PLA2G5: variants seen among roughly 807,000 people sequenced by gnomAD.
PLA2G5 encodes the protein phospholipase A2 group V, also known as Ca2+-dependent phospholipase A2.
PLA2G5 carries 12 observed loss-of-function variants against 15.9 expected under a neutral mutation model. The ratio of observed to expected loss-of-function variants is 0.76; its 90% CI spans 0.48 to 1.23. The LOEUF is 1.23. Among genes scored for constraint, PLA2G5 ranks in the 50% most tolerant of loss-of-function variants. The pLI, the probability that PLA2G5 is intolerant of heterozygous loss-of-function variation, is 0.00. For missense variants in PLA2G5, 169 were observed against 177.1 expected (o/e 0.95, Z 0.26); for synonymous variants, 71 against 71.4 (o/e 0.99, Z 0.03).
intron 1 of PLA2G5, among the ~76,000 whole-genome samples, chr1:20,057,404 G>A (rs946547725): frequency 1.3e-5 from 2 of 150,556 alleles, no homozygotes; most frequent in African/African-American, 4.9e-5. Context: ...TTTTTTGGGG[G>A]GTAATTTCTG....
At chr1:20,082,658 C>T (rs2016093607) in intron 1 of PLA2G5, among the ~76,000 whole-genome samples, 1 of 151,900 alleles carries the variant, frequency 6.6e-6, no homozygotes, top group Admixed American at 6.6e-5. Context: ...TCCTGTCTGA[C>T]CAGCTACCTA....
rs1347612826 is a variant in PLA2G5 at position 20,075,495 on chromosome 1, T to A, written c.-11+5030T>A. Reference sequence around the variant, plus strand: ...TAGACATGAGACAGGTACAATTATTTACCCAATTATTCATGATGGTGAACT... The same window carrying A: ...TAGACATGAGACAGGTACAATTATTAACCCAATTATTCATGATGGTGAACT... On this transcript the variant is annotated intron_variant, in intron 1 of 4. Transcript: ENST00000375108. Among the ~76,000 whole-genome samples, 4 of 152,346 alleles carry A rather than the reference T, an allele frequency of 2.6e-5. No homozygotes were observed. In the East Asian group the frequency reaches 7.7e-4, roughly 29 times the overall value.
At chr1:20,044,045 T>G (rs1466546017) in intron 1 of PLA2G5, among the ~76,000 whole-genome samples, 1 of 152,178 alleles carries the variant, frequency 6.6e-6, no homozygotes, top group Non-Finnish European at 1.5e-5. Flanking sequence ...CTGGGTGAGC[T>G]GGGCAGTCTG....
At position 20,058,296 on chromosome 1, in the gene PLA2G5, T is replaced by C. The variant is rs531267856; in HGVS notation, n.277-1336T>C. On this transcript the variant is annotated intron_variant and non_coding_transcript_variant, in intron 1 of 6. Transcript: ENST00000460175. ...CCTCTCAGTTTTTGCCTCACGTATTTTGACACTCCGTTGTGAGGGGCATAC... is the reference window on the plus strand; with the variant it reads ...CCTCTCAGTTTTTGCCTCACGTATTCTGACACTCCGTTGTGAGGGGCATAC... Among the ~76,000 whole-genome samples, 41 of 152,310 alleles carry C rather than the reference T, an allele frequency of 2.7e-4. 1 individual carries two copies. The highest frequency in any genetic ancestry group is 8.7e-4 in the African/African-American group (36 of 41,560).
intron 1 of PLA2G5, among the ~76,000 whole-genome samples, chr1:20,030,098 T>TAAGACACAG (rs1159277844): frequency 1.3e-5 from 2 of 152,036 alleles, no homozygotes; most frequent in Non-Finnish European, 2.9e-5. Flanking sequence ...AGAAAAGAAA[T>TAAGACACAG]AAGACACAGA....
chr1:20,030,966 C>T (rs1002712784), intron 1 of PLA2G5, among the ~76,000 whole-genome samples: 2 of 152,324 alleles, frequency 1.3e-5, no homozygotes, highest in Admixed American at 1.3e-4. Flanking sequence ...CTTATGTCTT[C>T]TTTCTACATA....
intron 1 of PLA2G5, among the ~76,000 whole-genome samples, chr1:20,051,916 A>G (rs557950496): frequency 2.0e-5 from 3 of 152,288 alleles, no homozygotes; most frequent in Admixed American, 2.0e-4. Context: ...CAAGTATTTG[A>G]TGGTAAAAAT....
At chr1:20,060,959 C>T (rs1473635519) in intron 2 of PLA2G5, among the ~76,000 whole-genome samples, 2 of 152,108 alleles carry the variant, frequency 1.3e-5, no homozygotes, top group African/African-American at 4.8e-5. Flanking sequence ...TCAGGTGATC[C>T]ACCTGCCTTG....
intron 1 of PLA2G5, chr1:20,070,826 G>C (rs2015330651): frequency 6.6e-6 from 1 of 152,214 alleles, no homozygotes; most frequent in South Asian, 2.1e-4. Flanking sequence ...CTAAACCACA[G>C]GCAAATATTC....
chr1:20,058,604 ACAAT>A (rs1411230015), intron 1 of PLA2G5, among the ~76,000 whole-genome samples: 1 of 152,218 alleles, frequency 6.6e-6, no homozygotes, highest in East Asian at 1.9e-4. Flanking sequence ...TAAATAAGAT[ACAAT>A]CATATGAGCC....
chr1:20,078,406 C>T (rs1002927554), intron 1 of PLA2G5, among the ~76,000 whole-genome samples: 13 of 151,882 alleles, frequency 8.6e-5, no homozygotes, highest in African/African-American at 2.4e-4. Flanking sequence ...TTGAGAATGG[C>T]GGAGCAGGTG....
intron 1 of PLA2G5, among the ~76,000 whole-genome samples, chr1:20,042,462 G>A (rs914938324): frequency 3.3e-5 from 5 of 152,140 alleles, no homozygotes; most frequent in Admixed American, 1.3e-4. Flanking sequence ...TACAGGGTGC[G>A]GTCCCAGCTC....
chr1:20,061,914 G>A (rs1243560733), intron 2 of PLA2G5, among the ~76,000 whole-genome samples: 2 of 152,250 alleles, frequency 1.3e-5, no homozygotes, highest in Non-Finnish European at 2.9e-5. Context: ...ATGTTGAAAT[G>A]TAATTCCCAA....
chr1:20,030,393 G>A (rs2012853736), intron 1 of PLA2G5, among the ~76,000 whole-genome samples: 2 of 152,100 alleles, frequency 1.3e-5, no homozygotes, highest in Non-Finnish European at 2.9e-5. Context: ...GCATCTCAGT[G>A]CGGTAAAGAG....
intron 1 of PLA2G5, 44 bp downstream of exon 1, chr1:20,070,509 G>A: frequency 1.0e-6 from 1 of 981,206 alleles, no homozygotes; most frequent in African/African-American, 1.7e-5. Context: ...GTTGTGGAGG[G>A]ACGCCAGCTG....
At chr1:20,050,980 T>C (rs922317577) in intron 1 of PLA2G5, among the ~76,000 whole-genome samples, 1 of 152,170 alleles carries the variant, frequency 6.6e-6, no homozygotes, top group African/African-American at 2.4e-5. Context: ...TTGGGTTATG[T>C]TTATATAAAT....
intron 1 of PLA2G5, among the ~76,000 whole-genome samples, chr1:20,049,061 G>C (rs1035463924): frequency 3.3e-5 from 5 of 152,136 alleles, no homozygotes; most frequent in Non-Finnish European, 7.4e-5. Context: ...AAGGAAATAA[G>C]AGAGGTTTAA....
chr1:20,036,611 GC>G (rs2013260339), intron 1 of PLA2G5, among the ~76,000 whole-genome samples: 1 of 151,820 alleles, frequency 6.6e-6, no homozygotes, highest in Admixed American at 6.6e-5. Flanking sequence ...TTTTATTTAT[GC>G]TTTCTATTTC....
chr1:20,038,378 G>C (rs1376564673), intron 1 of PLA2G5, among the ~76,000 whole-genome samples: 1 of 152,120 alleles, frequency 6.6e-6, no homozygotes, highest in African/African-American at 2.4e-5. Context: ...AATTACACTA[G>C]CAGCCCTCCC....
Sources: allele counts gnomAD v4.1 joint callset (sites outside exome capture counted in the v4.1 genomes callset), GRCh38; gene constraint gnomAD v4.1.1; transcripts MANE v1.5; gene names NCBI Gene and HGNC (gene_info 2026-07-23, HGNC 2026-07-21).